Variants in SLC8A1 observed in about 807,000 individuals in gnomAD.
SLC8A1 encodes solute carrier family 8 member A1, also known as sodium/calcium exchanger 1.
Under a neutral mutation model 68.3 loss-of-function variants are expected in SLC8A1, and 18 were observed. The ratio of observed to expected loss-of-function variants is 0.26; its 90% CI spans 0.18 to 0.39. The LOEUF is 0.39. Among genes scored for constraint, SLC8A1 ranks in the 10% least tolerant of loss-of-function variants. The probability of loss-of-function intolerance (pLI) is 1.00; values close to 1 mark genes in which losing one functional copy is unlikely to be tolerated. For synonymous variants in SLC8A1, 475 were observed against 415.5 expected (o/e 1.14, Z -1.74); for missense variants, 985 against 1,156.7 (o/e 0.85, Z 2.15).
intron 2 of SLC8A1, among the ~76,000 whole-genome samples, chr2:40,319,356 C>A (rs552547431): frequency 9.2e-5 from 14 of 152,182 alleles, no homozygotes; most frequent in South Asian, 4.1e-4. Context: ...GACTAAGGAA[C>A]CCACTATGCC....
chr2:40,451,019 A>G (rs1265897858), intron 1 of SLC8A1, among the ~76,000 whole-genome samples: 2 of 152,168 alleles, frequency 1.3e-5, no homozygotes, highest in Non-Finnish European at 2.9e-5. Flanking sequence ...GATTTAAAGA[A>G]TCAAGGATGC....
chr2:40,316,887 A>G (rs528388905), intron 2 of SLC8A1, among the ~76,000 whole-genome samples: 1 of 152,032 alleles, frequency 6.6e-6, no homozygotes, highest in South Asian at 2.1e-4. Flanking sequence ...GGCATTCATC[A>G]TCCCTGAAAG....
chr2:40,179,590 T>C (rs893217704), intron 2 of SLC8A1, among the ~76,000 whole-genome samples: 1 of 152,232 alleles, frequency 6.6e-6, no homozygotes, highest in Non-Finnish European at 1.5e-5. Context: ...TCCAGTAACA[T>C]TGGCCAAGTA....
intron 2 of SLC8A1, among the ~76,000 whole-genome samples, chr2:40,210,615 A>G (rs1194044475): frequency 6.6e-6 from 1 of 152,228 alleles, no homozygotes; most frequent in Non-Finnish European, 1.5e-5. Flanking sequence ...CTCTTGCTGT[A>G]AAATGAAAGG....
intron 2 of SLC8A1, among the ~76,000 whole-genome samples, chr2:40,395,964 A>T (rs1686775665): frequency 6.6e-6 from 1 of 152,172 alleles, no homozygotes; most frequent in Non-Finnish European, 1.5e-5. Context: ...TGTTCTGTAA[A>T]ATCAGCATAT....
chr2:40,483,728 T>A (rs955162442), intron 1 of SLC8A1, among the ~76,000 whole-genome samples: 5 of 152,212 alleles, frequency 3.3e-5, no homozygotes, highest in Non-Finnish European at 5.9e-5. Flanking sequence ...ACGTACTTCC[T>A]TTGCTTATTT....
intron 2 of SLC8A1, among the ~76,000 whole-genome samples, chr2:40,219,875 ATT>A (rs1162934399): frequency 0.13 from 3,183 of 24,970 alleles, 75 homozygotes; most frequent in Middle Eastern, 0.31. Context: ...CTACTATAGG[ATT>A]TTTTTTTTTT....
intron 1 of SLC8A1, among the ~76,000 whole-genome samples, chr2:40,506,532 TG>T (rs1250868271): frequency 6.6e-6 from 1 of 151,962 alleles, no homozygotes; most frequent in Non-Finnish European, 1.5e-5. Flanking sequence ...GTTCTTATTT[TG>T]TCTTCCAAAT....
At chr2:40,238,955 G>A (rs1574526435) in intron 2 of SLC8A1, among the ~76,000 whole-genome samples, 1 of 151,428 alleles carries the variant, frequency 6.6e-6, no homozygotes, top group African/African-American at 2.4e-5. Flanking sequence ...ACTTGCACCT[G>A]TTATTGTTGT....
intron 1 of SLC8A1, among the ~76,000 whole-genome samples, chr2:40,462,295 T>C (rs1703397422): frequency 6.6e-6 from 1 of 151,954 alleles, no homozygotes; most frequent in Non-Finnish European, 1.5e-5. Context: ...GCGTGAGTCA[T>C]TGTGCCCAGC....
At position 40,307,146 on chromosome 2, in the gene SLC8A1, T is replaced by TACACACACACACACAC. The variant is rs144335092; in HGVS notation, c.1808+121311_1808+121326dup. Among the ~76,000 whole-genome samples the TACACACACACACACAC allele has an allele frequency of 2.5e-3, 374 of 148,278 alleles. 1 individual carries two copies. The highest frequency in any genetic ancestry group is 3.6e-3 in the Non-Finnish European group (242 of 66,824). ...ATGACTGGCTAAAGAAAATGTGATA[T>TACACACACACACACAC]ACACACACACACACACACACACACA... is the stretch of plus-strand genomic sequence containing the variant. On this transcript the variant is annotated intron_variant, in intron 2 of 7. Coordinates refer to ENST00000406785, the Ensembl canonical transcript of SLC8A1.
chr2:40,155,270 C>T (rs985805931), intron 6 of SLC8A1, among the ~76,000 whole-genome samples: 19 of 152,080 alleles, frequency 1.2e-4, no homozygotes, highest in Admixed American at 1.0e-3. Context: ...GCTGGGACTA[C>T]AGGCACCCGC....
intron 2 of SLC8A1, among the ~76,000 whole-genome samples, chr2:40,380,456 A>G (rs766369583): frequency 6.6e-6 from 1 of 152,168 alleles, no homozygotes; most frequent in Non-Finnish European, 1.5e-5. Context: ...TTCACTAGAA[A>G]AAAAGACAAA....
intron 2 of SLC8A1, among the ~76,000 whole-genome samples, chr2:40,314,444 T>C (rs2074169332): frequency 6.6e-6 from 1 of 152,044 alleles, no homozygotes; most frequent in African/African-American, 2.4e-5. Flanking sequence ...GTTATCCTTT[T>C]GTTCTTTTTT....
intron 2 of SLC8A1, among the ~76,000 whole-genome samples, chr2:40,246,925 T>TAACA (rs558820652): frequency 2.6e-4 from 36 of 137,476 alleles, no homozygotes; most frequent in African/African-American, 9.5e-4. Flanking sequence ...GTTTGTACTC[T>TAACA]AACATATTTC....
intron 1 of SLC8A1, among the ~76,000 whole-genome samples, chr2:40,469,533 A>G (rs1293061840): frequency 6.6e-6 from 1 of 152,192 alleles, no homozygotes. Context: ...CCTAATAGCA[A>G]TGTGAAAACA....
chr2:40,267,341 G>T (rs1161906443), intron 2 of SLC8A1, among the ~76,000 whole-genome samples: 1 of 152,130 alleles, frequency 6.6e-6, no homozygotes, highest in South Asian at 2.1e-4. Context: ...TAGAAAGTTA[G>T]TAACATATAC....
At chr2:40,456,483 G>A (rs1172442475), upstream of SLC8A1, among the ~76,000 whole-genome samples, 1 of 152,100 alleles carries the variant, frequency 6.6e-6, no homozygotes, top group Admixed American at 6.6e-5. Flanking sequence ...TTAATTTAGA[G>A]GTCAGAAAAT....
intron 1 of SLC8A1, among the ~76,000 whole-genome samples, chr2:40,479,079 C>T (rs1199278745): frequency 1.3e-5 from 2 of 152,116 alleles, no homozygotes; most frequent in African/African-American, 4.8e-5. Flanking sequence ...GCCTCAACCA[C>T]CTAATTTTAA....
Sources: allele counts gnomAD v4.1 joint callset (sites outside exome capture counted in the v4.1 genomes callset), GRCh38; gene constraint gnomAD v4.1.1; transcripts MANE v1.5; gene names NCBI Gene and HGNC (gene_info 2026-07-23, HGNC 2026-07-21).